The following NEK9 variants were observed in gnomAD, a reference collection of about 807,000 sequenced individuals.
NEK9 encodes the protein serine/threonine-protein kinase Nek9.
NEK9 carries 75 observed loss-of-function variants against 123.4 expected under a neutral mutation model. The observed-to-expected ratio is 0.61, with a 90% confidence interval of 0.50 to 0.74. The LOEUF is 0.74. Ranked by LOEUF, NEK9 falls within the 30% of genes least tolerant of loss-of-function variation. NEK9 has a pLI of 0.00. For synonymous variants in NEK9, 438 were observed against 458.7 expected (o/e 0.95, Z 0.58); for missense variants, 952 against 1,214.4 (o/e 0.78, Z 3.21).
Position 75,097,084 on chromosome 14 carries a change from CAT to C in NEK9, c.2173+14_2173+15del, listed in dbSNP as rs1491388139. The stretch of plus-strand genomic sequence containing the variant: ...CTGTCAAAGCCATCCCAACCCCAGA[CAT>C]ATGAAACTCTTACCAACGATGAGAA... On this transcript the variant is annotated intron_variant, in intron 17 of 21. Coordinates refer to ENST00000238616, the MANE Select transcript of NEK9 (RefSeq NM_033116.6). 6 of 1,588,958 alleles carry C rather than the reference CAT, an allele frequency of 3.8e-6. No individual in the cohort carries two copies. In the Admixed American group the frequency reaches 7.0e-5, roughly 18 times the overall value.
intron 8 of NEK9, among the ~76,000 whole-genome samples, chr14:75,112,051 T>C (rs1210524753): frequency 6.6e-6 from 1 of 152,168 alleles, no homozygotes; most frequent in African/African-American, 2.4e-5. Context: ...TCTGGAGTAC[T>C]GTACATAATT....
Position 75,113,382 on chromosome 14 carries a change from C to T in NEK9, c.895G>A (p.Ala299Thr), listed in dbSNP as rs375456774. 1.4e-5 allele frequency: 22 copies of T among 1,613,520 alleles called. No individual in the cohort carries two copies. The highest frequency in any genetic ancestry group is 4.0e-5 in the African/African-American group (3 of 74,916). The change falls in exon 8 of 22, where the codon GCA becomes ACA. Residue 299 changes from alanine to threonine, a missense_variant. Transcript: ENST00000238616. ...LDQDPEQRPTADELLDRPLLR... is the reference protein window; with the variant it reads ...LDQDPEQRPTTDELLDRPLLR... The stretch of plus-strand genomic sequence containing the variant: ...AGAGGGCGATCTAGAAGTTCATCTG[C>T]AGTAGGTCTCTGCTCAGGATCCTAA...
intron 21 of NEK9, among the ~76,000 whole-genome samples, chr14:75,085,862 C>G (rs985970457): frequency 7.2e-5 from 11 of 152,196 alleles, no homozygotes; most frequent in African/African-American, 2.4e-4. Flanking sequence ...TGCACTCCAG[C>G]CTTGGTGACA....
rs938955752 is a variant in NEK9, at chr14:75,082,357, A to G, written c.*2207T>C. 10 of 152,346 alleles carry G rather than the reference A, an allele frequency of 6.6e-5. No homozygotes were observed. Among genetic ancestry groups the G allele is most frequent in the Middle Eastern group, 3.4e-3 (1 of 294 alleles). The allele number at this position is 152,346 out of a possible 1,614,324, so 9.4% of individuals were successfully genotyped here. ...AGAATTAGCTACAGAAAACCATTCA[A>G]AGGCATTTCTACTGCCTCATCTTTT... On this transcript the variant is annotated 3_prime_UTR_variant, in exon 22 of 22. Coordinates refer to ENST00000238616, the MANE Select transcript of NEK9 (RefSeq NM_033116.6).
chr14:75,121,725 C>A (rs1312440250), intron 2 of NEK9, among the ~76,000 whole-genome samples: 1 of 152,186 alleles, frequency 6.6e-6, no homozygotes, highest in African/African-American at 2.4e-5. Context: ...GGGGCATGTG[C>A]CTGTGGTCCC....
Position 75,107,495 on chromosome 14 carries a change from A to G in NEK9, c.1183-8T>C. The G allele has an allele frequency of 6.3e-7, 1 of 1,582,434 alleles. No individual in the cohort carries two copies. The highest frequency in any genetic ancestry group is 8.5e-7 in the Non-Finnish European group (1 of 1,169,946). ...AGTGCCTCCTTGCATGTTCTGTGAAATAAAGAGGTCTTATGACTTTTTTTT... is the reference window on the plus strand; with the variant it reads ...AGTGCCTCCTTGCATGTTCTGTGAAGTAAAGAGGTCTTATGACTTTTTTTT... On this transcript the variant is annotated splice_region_variant and splice_polypyrimidine_tract_variant and intron_variant, in intron 10 of 21. Transcript: ENST00000238616.
At chr14:75,114,175 C>G (rs375564652) in intron 7 of NEK9, 28 bp downstream of exon 7, 215 of 1,506,072 alleles carry the variant, frequency 1.4e-4, no homozygotes, top group Non-Finnish European at 1.8e-4. Flanking sequence ...AAATACGAAA[C>G]TGAAGTGAAT....
chr14:75,102,714 TC>T (rs1894628967), intron 14 of NEK9, among the ~76,000 whole-genome samples: 1 of 152,186 alleles, frequency 6.6e-6, no homozygotes, highest in African/African-American at 2.4e-5. Context: ...ATTTGTACTC[TC>T]CTAATTGAAA....
chr14:75,118,270 T>C, intron 5 of NEK9, among the ~76,000 whole-genome samples: 1 of 152,174 alleles, frequency 6.6e-6, no homozygotes, highest in Admixed American at 6.5e-5. Flanking sequence ...ATTGTGAAAC[T>C]AGAAGAATAA....
At chr14:75,117,130 T>G (rs749211084) in intron 6 of NEK9, 65 bp downstream of exon 6, 14 of 1,531,322 alleles carry the variant, frequency 9.1e-6, no homozygotes, top group African/African-American at 1.4e-5. Flanking sequence ...AGAGTTGATC[T>G]GCTTAGTCAA....
intron 1 of NEK9, among the ~76,000 whole-genome samples, chr14:75,125,728 G>C (rs1895501023): frequency 6.6e-6 from 1 of 152,132 alleles, no homozygotes; most frequent in African/African-American, 2.4e-5. Context: ...ATATTCTCTT[G>C]CAACCACTTC....
intron 20 of NEK9, among the ~76,000 whole-genome samples, chr14:75,087,790 T>C (rs1440193585): frequency 6.6e-6 from 1 of 152,244 alleles, no homozygotes; most frequent in Non-Finnish European, 1.5e-5. Context: ...TTTTCTACTG[T>C]ACTTTTTTTA....
intron 18 of NEK9, chr14:75,091,755 T>C: frequency 3.1e-6 from 1 of 318,088 alleles, no homozygotes; most frequent in East Asian, 5.7e-5. Flanking sequence ...GTTATCAATA[T>C]TCTAAAAGCA....
intron 2 of NEK9, among the ~76,000 whole-genome samples, chr14:75,123,387 A>G (rs1364046388): frequency 6.6e-6 from 1 of 151,990 alleles, no homozygotes; most frequent in African/African-American, 2.4e-5. Context: ...TACTCCAACA[A>G]GAGTAAAACT....
Position 75,087,034 on chromosome 14 carries a change from A to G in NEK9, c.2801T>C (p.Leu934Ser). 1 of 1,614,184 alleles carries G rather than the reference A, an allele frequency of 6.2e-7. No individual in the cohort carries two copies. The change falls in exon 21 of 22, where the codon TTA (leucine) becomes TCA (serine). Residue 934 changes from leucine (L) to serine (S), a missense_variant. This residue lies in a region of NEK9 where 698 missense variants were observed against 875.6 expected (regional missense o/e 0.80). Transcript: ENST00000238616. ...FTQLQKLNKK[L>S]EGGQQVGMHS... ...TGCTCTCACCTGCTGCCCTCCTTCT[A>G]ATTTCTTGTTCAACTTCTGCAGTTG... is the stretch of plus-strand genomic sequence containing the variant.
chr14:75,106,310 G>T (rs1342032601), intron 12 of NEK9, 192 bp downstream of exon 12: 2 of 553,174 alleles, frequency 3.6e-6, no homozygotes, highest in African/African-American at 4.4e-5. Context: ...AATGAGCCCA[G>T]ATCATGCCAT....
intron 18 of NEK9, among the ~76,000 whole-genome samples, chr14:75,095,057 G>C (rs192589539): frequency 8.2e-4 from 125 of 152,260 alleles, no homozygotes; most frequent in African/African-American, 2.7e-3. Context: ...GAATACCGTG[G>C]AAGTAGAGGA....
intron 6 of NEK9, among the ~76,000 whole-genome samples, chr14:75,115,079 A>G (rs1308790634): frequency 7.2e-6 from 1 of 138,278 alleles, no homozygotes; most frequent in African/African-American, 2.6e-5. Flanking sequence ...GCACATATAT[A>G]CACGTGTGTG....
rs929037297 is a variant in NEK9, at chr14:75,126,946, C to G, written c.-25G>C. On this transcript the variant is annotated 5_prime_UTR_variant, in exon 1 of 22. Coordinates refer to ENST00000238616, the MANE Select transcript of NEK9 (RefSeq NM_033116.6). ...TGGCGGCGGCCGCGGGCCTTGGGGA[C>G]CAGCCTGCGTATGCCCGGAGGCCCT... 5.6e-6 allele frequency: 8 copies of G among 1,440,274 alleles called. No homozygotes were observed. In the African/African-American group the frequency reaches 1.0e-4, roughly 19 times the overall value. The allele number at this position is 1,440,274 out of a possible 1,614,324, so 89.2% of individuals were successfully genotyped here. A position where few individuals can be genotyped will look rare whatever the true frequency, so the allele number is the denominator to read the frequency against.
Sources: gnomAD v4.1 joint callset for allele counts (sites outside exome capture counted in the v4.1 genomes callset) on GRCh38, gnomAD v4.1.1 for gene constraint, gnomAD v4.1.1 regional missense constraint, MANE v1.5 for transcripts, NCBI Gene and HGNC (gene_info 2026-07-23, HGNC 2026-07-21) for gene names.